The following SNX14 variants were observed in gnomAD, a reference collection of about 807,000 sequenced individuals.
The protein encoded by SNX14 is sorting nexin-14.
Under a neutral mutation model 133.8 loss-of-function variants are expected in SNX14, and 93 were observed. The observed-to-expected ratio is 0.70, with a 90% CI of 0.59 to 0.83. SNX14 has a LOEUF of 0.83. Ranked by LOEUF, SNX14 falls within the 40% of genes least tolerant of loss-of-function variation. The pLI is 0.00. For missense variants in SNX14, 945 were observed against 1,094.9 expected (o/e 0.86, Z 1.93); for synonymous variants, 368 against 365.6 (o/e 1.01, Z -0.07).
chr6:85,553,231 T>TAA (rs989299351), intron 7 of SNX14, among the ~76,000 whole-genome samples: 1 of 152,186 alleles, frequency 6.6e-6, no homozygotes, highest in African/African-American at 2.4e-5. Context: ...ACTAAGAAGG[T>TAA]AAATCAAGGC....
intron 21 of SNX14, among the ~76,000 whole-genome samples, chr6:85,521,135 T>C (rs1464519863): frequency 6.6e-6 from 1 of 152,228 alleles, no homozygotes; most frequent in East Asian, 1.9e-4. Context: ...AATGCGGTGT[T>C]TCCCAAACAT....
In SNX14 at chr6:85,526,244, T is replaced by A; in HGVS notation, c.1996-7A>T. 1.3e-6 allele frequency: 2 copies of A among 1,565,664 alleles called. No homozygotes were observed. Among genetic ancestry groups the A allele is most frequent in the African/African-American group, 1.4e-5 (1 of 73,036 alleles). On this transcript the variant is annotated splice_region_variant and splice_polypyrimidine_tract_variant and intron_variant, in intron 20 of 28. Coordinates refer to ENST00000314673, the MANE Select transcript of SNX14 (RefSeq NM_153816.6). ...CTGGATGCTGCAGAAGTTTCTTGAA[T>A]GAACAAAAAAAACGGAAAACACAGT... is the stretch of plus-strand genomic sequence containing the variant.
chr6:85,563,979 T>C (rs1340592082), intron 6 of SNX14, among the ~76,000 whole-genome samples: 2 of 152,108 alleles, frequency 1.3e-5, no homozygotes, highest in Admixed American at 1.3e-4. Flanking sequence ...TGTCCAAATG[T>C]TCTCATTCTT....
At chr6:85,517,531 T>A (rs1775443720) in intron 23 of SNX14, 2 of 355,796 alleles carry the variant, frequency 5.6e-6, no homozygotes, top group African/African-American at 4.2e-5. Flanking sequence ...AGAAGTGGCA[T>A]CAGTTTGCAA....
chr6:85,580,610 G>GACCTA (rs1798745030), intron 1 of SNX14, among the ~76,000 whole-genome samples: 1 of 152,086 alleles, frequency 6.6e-6, no homozygotes, highest in Non-Finnish European at 1.5e-5. Flanking sequence ...GGAGTGCATT[G>GACCTA]CCCTGAAAGG....
chr6:85,518,023 T>A lies in SNX14; in HGVS notation c.2133A>T (p.Gly711=). The change falls in exon 22 of 29, where the codon GGA becomes GGT. Residue 711 remains glycine (G), a synonymous_variant. Coordinates refer to ENST00000314673, the MANE Select transcript of SNX14 (RefSeq NM_153816.6). ...AGTTACTCACCTCTTTCATTAGTTT[T>A]CCAGGAACAGATTTTATAATTTTCC... ...NLGKIIKSVP[G]KLMKEKGQHL... is the part of the protein sequence containing the mutation. The A allele has an allele frequency of 6.2e-7, 1 of 1,605,248 alleles. No homozygotes were observed. The highest frequency in any genetic ancestry group is 8.5e-7 in the Non-Finnish European group (1 of 1,174,958).
chr6:85,573,997 A>T (rs1386655803), intron 2 of SNX14, among the ~76,000 whole-genome samples: 1 of 152,098 alleles, frequency 6.6e-6, no homozygotes, highest in Non-Finnish European at 1.5e-5. Flanking sequence ...CACATATACA[A>T]ATCTTATTTT....
rs762857268 is a variant in SNX14, at chr6:85,536,879, A to C, written c.1521T>G (p.Gly507=). 6.2e-7 allele frequency: 1 copy of C among 1,613,364 alleles called. No homozygotes were observed. The highest frequency in any genetic ancestry group is 1.1e-5 in the South Asian group (1 of 91,044). The part of the protein sequence containing the change: ...RGESFGISRI[G]SKIKGVFKST... ...TTTTGAATACTCCTTTAATTTTGCT[A>C]CCTATTCTGCTGATTCCAAATGATT... Residue 507 remains glycine, a synonymous_variant, in exon 17 of 29, where the codon GGT becomes GGG. Transcript: ENST00000314673.
At chr6:85,538,957 T>G in intron 15 of SNX14, 93 bp from the exon 16 acceptor site, 2 of 1,144,130 alleles carry the variant, frequency 1.7e-6, no homozygotes, top group South Asian at 3.2e-5. Flanking sequence ...AAAACAAAAT[T>G]TAAAAGCTTC....
chr6:85,526,626 C>G (rs1040501694), intron 20 of SNX14, among the ~76,000 whole-genome samples: 1 of 152,154 alleles, frequency 6.6e-6, no homozygotes, highest in Non-Finnish European at 1.5e-5. Context: ...TTTCCAGTTT[C>G]TCAACTATAG....
chr6:85,515,687 T>C (rs1416077535), intron 23 of SNX14, among the ~76,000 whole-genome samples: 1 of 152,166 alleles, frequency 6.6e-6, no homozygotes, highest in Non-Finnish European at 1.5e-5. Context: ...TTAAAACATT[T>C]TTCCCCAACC....
At chr6:85,563,380 C>A (rs961283442) in intron 6 of SNX14, among the ~76,000 whole-genome samples, 1 of 151,952 alleles carries the variant, frequency 6.6e-6, no homozygotes, top group African/African-American at 2.4e-5. Flanking sequence ...AAATACAGCT[C>A]GAGAAAAATA....
At chr6:85,552,156 C>A (rs1318717969) in intron 7 of SNX14, among the ~76,000 whole-genome samples, 1 of 149,494 alleles carries the variant, frequency 6.7e-6, no homozygotes, top group African/African-American at 2.5e-5. Flanking sequence ...CCTGCCTCAG[C>A]CTCCCAAGTA....
At chr6:85,550,388 G>C (rs761691483) in intron 7 of SNX14, among the ~76,000 whole-genome samples, 4 of 152,162 alleles carry the variant, frequency 2.6e-5, no homozygotes, top group Non-Finnish European at 4.4e-5. Flanking sequence ...GAAAAAATTA[G>C]AGAAAACAAC....
At chr6:85,569,032 C>T (rs571270913) in intron 4 of SNX14, among the ~76,000 whole-genome samples, 1 of 151,492 alleles carries the variant, frequency 6.6e-6, no homozygotes, top group Non-Finnish European at 1.5e-5. Context: ...ATAGCGCAAT[C>T]TTGGCTCACC....
At chr6:85,531,478 A>T (rs747147450) in intron 18 of SNX14, among the ~76,000 whole-genome samples, 16 of 152,176 alleles carry the variant, frequency 1.1e-4, no homozygotes, top group Non-Finnish European at 2.4e-4. Flanking sequence ...CCAAAACAAC[A>T]CTTCTTTCTA....
In SNX14 at chr6:85,547,186, T is replaced by G. The variant is rs145265337; in HGVS notation, c.1034A>C (p.Asp345Ala). 1.2e-6 allele frequency: 2 copies of G among 1,614,034 alleles called. No individual in the cohort carries two copies. Among genetic ancestry groups the G allele is most frequent in the South Asian group, 2.2e-5 (2 of 91,084 alleles). Residue 345 changes from aspartate to alanine, a missense_variant, in exon 12 of 29, where the codon GAT (aspartate) becomes GCT (alanine). Asp to Ala is a moderately radical substitution (Grantham distance 126). Around this residue, in one of 3 missense-constraint regions of SNX14, gnomAD observed 514 missense variants for 538.8 expected, o/e 0.95. Coordinates refer to ENST00000314673, the MANE Select transcript of SNX14 (RefSeq NM_153816.6). ...LELKQIREQQ[D>A]LLFRFMNFLK... ...AAAGTTCATAAAACGAAATAAAAGA[T>G]CTTGTTGCTCTCTGATTTGCTTCAA...
chr6:85,518,320 G>A (rs926284259), intron 21 of SNX14, among the ~76,000 whole-genome samples: 2 of 151,252 alleles, frequency 1.3e-5, no homozygotes, highest in East Asian at 3.8e-4. Context: ...TGATAACAAC[G>A]TTGAGTAAGA....
intron 1 of SNX14, among the ~76,000 whole-genome samples, chr6:85,590,673 T>G (rs1802496024): frequency 6.6e-6 from 1 of 152,234 alleles, no homozygotes; most frequent in South Asian, 2.1e-4. Flanking sequence ...TTCCTTCTGC[T>G]TTAAGCTGTT....
Sources: allele counts gnomAD v4.1 joint callset (sites outside exome capture counted in the v4.1 genomes callset), GRCh38; gene constraint gnomAD v4.1.1; regional missense constraint gnomAD v4.1.1; transcripts MANE v1.5; gene names NCBI Gene and HGNC (gene_info 2026-07-23, HGNC 2026-07-21).